PRKG1: variants seen among roughly 807,000 people sequenced by gnomAD.
PRKG1 encodes the protein cGMP-dependent protein kinase 1.
PRKG1 carries 35 observed loss-of-function variants against 88.1 expected under a neutral mutation model. The observed-to-expected ratio is 0.40, with a 90% CI of 0.30 to 0.53. The LOEUF (loss-of-function observed/expected upper bound fraction) is 0.53, where lower values mean the gene tolerates loss of function less well. PRKG1 is among the 20% of genes least tolerant of loss of function. The pLI is 0.59. For synonymous variants in PRKG1, 303 were observed against 292.5 expected, an observed-to-expected ratio of 1.04 and a Z score of -0.37; for missense variants, 540 against 839.8, an observed-to-expected ratio of 0.64 and a Z score of 4.41.
At chr10:52,229,500 G>T (rs915822527) in intron 9 of PRKG1, among the ~76,000 whole-genome samples, 1 of 152,128 alleles carries the variant, frequency 6.6e-6, no homozygotes, top group African/African-American at 2.4e-5. Context: ...ATGGAAGAGG[G>T]GTCTATCTAC....
chr10:51,088,560 C>T (rs1230321356), intron 1 of PRKG1, among the ~76,000 whole-genome samples: 1 of 152,136 alleles, frequency 6.6e-6, no homozygotes, highest in Admixed American at 6.5e-5. Context: ...TTTCTTCCAA[C>T]ATGGATTGGA....
At chr10:51,563,785 C>T (rs1837531136) in intron 3 of PRKG1, among the ~76,000 whole-genome samples, 1 of 152,102 alleles carries the variant, frequency 6.6e-6, no homozygotes, top group African/African-American at 2.4e-5. Context: ...CTAATCTCGG[C>T]CACTATGTTG....
chr10:52,034,856 G>T (rs1845566409), intron 5 of PRKG1, among the ~76,000 whole-genome samples: 2 of 152,158 alleles, frequency 1.3e-5, no homozygotes, highest in Non-Finnish European at 2.9e-5. Context: ...GTCTATACAG[G>T]AGCTCAAATG....
intron 3 of PRKG1, among the ~76,000 whole-genome samples, chr10:51,600,996 AG>A (rs61173312): frequency 0.16 from 22,961 of 144,822 alleles, 1,991 homozygotes; most frequent in African/African-American, 0.24. Context: ...GGAAGACAGC[AG>A]GGGGAGGGGG....
intron 5 of PRKG1, among the ~76,000 whole-genome samples, chr10:52,006,547 C>T (rs1012225592): frequency 2.6e-5 from 4 of 151,870 alleles, no homozygotes; most frequent in African/African-American, 7.3e-5. Context: ...AAAGACTGGC[C>T]CTCTGAAATT....
At chr10:51,860,999 C>T (rs866938170) in intron 4 of PRKG1, among the ~76,000 whole-genome samples, 1 of 152,164 alleles carries the variant, frequency 6.6e-6, no homozygotes, top group East Asian at 1.9e-4. Flanking sequence ...ATGTATCACA[C>T]ATGTGTTGGG....
Position 52,277,828 on chromosome 10 carries a change from C to T in PRKG1, c.1404-2961C>T, listed in dbSNP as rs79880547. Among the ~76,000 whole-genome samples, 672 of 152,298 alleles carry T rather than the reference C, an allele frequency of 4.4e-3. 2 individuals are homozygous for T. Among genetic ancestry groups the T allele is most frequent in the African/African-American group, 0.014 (602 of 41,566 alleles). ...GATCTCTCACCTAAGCATTTACTCT[C>T]ATTACAACATTAACAATGCATTTGT... On this transcript the variant is annotated intron_variant, in intron 12 of 17. Coordinates refer to ENST00000373980, the MANE Select transcript of PRKG1 (RefSeq NM_006258.4).
At chr10:51,771,874 G>A (rs922891797) in intron 3 of PRKG1, among the ~76,000 whole-genome samples, 9 of 151,724 alleles carry the variant, frequency 5.9e-5, no homozygotes, top group South Asian at 4.2e-4. Context: ...CTAAATATAC[G>A]TATAACAGTA....
intron 3 of PRKG1, among the ~76,000 whole-genome samples, chr10:51,540,866 G>A (rs556307235): frequency 2.6e-5 from 4 of 151,952 alleles, no homozygotes; most frequent in African/African-American, 7.3e-5. Flanking sequence ...TTACAGGTGC[G>A]TGCCACCACT....
At chr10:51,913,296 C>A (rs1033880100) in intron 5 of PRKG1, among the ~76,000 whole-genome samples, 1 of 152,136 alleles carries the variant, frequency 6.6e-6, no homozygotes, top group African/African-American at 2.4e-5. Context: ...TGATGCTGAG[C>A]TTTAGGGAAT....
At chr10:51,189,377 C>A (rs1049907008) in intron 2 of PRKG1, among the ~76,000 whole-genome samples, 8 of 151,762 alleles carry the variant, frequency 5.3e-5, no homozygotes, top group Admixed American at 5.3e-4. Context: ...ACACAGGGAA[C>A]CGAATTAAAG....
chr10:51,087,791 G>T (rs1328975938), intron 1 of PRKG1, among the ~76,000 whole-genome samples: 1 of 152,078 alleles, frequency 6.6e-6, no homozygotes, highest in Non-Finnish European at 1.5e-5. Flanking sequence ...TTGAGACATG[G>T]TCTCACTCTA....
intron 5 of PRKG1, among the ~76,000 whole-genome samples, chr10:51,999,305 T>C (rs1249926326): frequency 6.6e-6 from 1 of 152,202 alleles, no homozygotes; most frequent in Non-Finnish European, 1.5e-5. Context: ...CAGCAGGACA[T>C]GCCCGGAAGG....
intron 9 of PRKG1, among the ~76,000 whole-genome samples, chr10:52,212,746 C>T (rs988248677): frequency 1.3e-5 from 2 of 152,094 alleles, no homozygotes; most frequent in East Asian, 1.9e-4. Context: ...CCTCAATCCA[C>T]GTTTTGGCTT....
intron 7 of PRKG1, 94 bp from the exon 8 acceptor site, chr10:52,133,746 A>T (rs1837328032): frequency 9.5e-7 from 1 of 1,054,062 alleles, no homozygotes; most frequent in Non-Finnish European, 1.4e-6. Context: ...AGAAGAGTTT[A>T]TATAATGTAA....
chr10:51,679,649 C>T (rs1840793514), intron 3 of PRKG1, among the ~76,000 whole-genome samples: 2 of 151,096 alleles, frequency 1.3e-5, no homozygotes, highest in South Asian at 4.2e-4. Context: ...ATCACCAAAC[C>T]ATTTACATAG....
intron 17 of PRKG1, among the ~76,000 whole-genome samples, chr10:52,292,254 C>G (rs983594130): frequency 7.3e-5 from 11 of 151,110 alleles, no homozygotes; most frequent in African/African-American, 2.7e-4. Context: ...AGTGCAGGAG[C>G]TCTTTAGTTT....
intron 9 of PRKG1, among the ~76,000 whole-genome samples, chr10:52,209,603 T>C (rs1035303942): frequency 6.6e-6 from 1 of 152,190 alleles, no homozygotes; most frequent in African/African-American, 2.4e-5. Flanking sequence ...ATTATGCTCT[T>C]GACATATGTT....
At chr10:51,311,301 A>G (rs529760237) in intron 2 of PRKG1, among the ~76,000 whole-genome samples, 40 of 152,350 alleles carry the variant, frequency 2.6e-4, no homozygotes, top group African/African-American at 9.1e-4. Context: ...GTAAGCTTCT[A>G]GAAACCATAA....
Sources: allele counts gnomAD v4.1 joint callset (sites outside exome capture counted in the v4.1 genomes callset), GRCh38; gene constraint gnomAD v4.1.1; transcripts MANE v1.5; gene names NCBI Gene and HGNC (gene_info 2026-07-23, HGNC 2026-07-21).